The following ADTRP variants were observed in gnomAD, a reference collection of about 807,000 sequenced individuals.
ADTRP encodes androgen dependent TFPI regulating protein.
In ADTRP, 20 loss-of-function variants were observed where a neutral mutation model predicts 27.0. The observed-to-expected ratio is 0.74, with a 90% confidence interval of 0.52 to 1.08. The LOEUF (loss-of-function observed/expected upper bound fraction) is 1.08, where lower values mean the gene tolerates loss of function less well. ADTRP is among the 50% of genes least tolerant of loss of function. The probability of loss-of-function intolerance (pLI) is 0.00; values close to 1 mark genes in which losing one functional copy is unlikely to be tolerated. For synonymous variants in ADTRP, 101 were observed against 105.2 expected (o/e 0.96, Z 0.25); for missense variants, 251 against 275.0 (o/e 0.91, Z 0.62).
chr6:11,762,020 A>T (rs1763404105), intron 3 of ADTRP, among the ~76,000 whole-genome samples: 1 of 152,208 alleles, frequency 6.6e-6, no homozygotes, highest in Non-Finnish European at 1.5e-5. Context: ...TTAGCAGCCC[A>T]ACAATTTCAC....
At chr6:11,770,354 T>G (rs1400435052) in intron 1 of ADTRP, among the ~76,000 whole-genome samples, 1 of 152,038 alleles carries the variant, frequency 6.6e-6, no homozygotes, top group Admixed American at 6.6e-5. Context: ...GAACTTCCGT[T>G]TGGAAATTCA....
At chr6:11,746,257 T>C (rs985148559) in intron 3 of ADTRP, among the ~76,000 whole-genome samples, 1 of 152,192 alleles carries the variant, frequency 6.6e-6, no homozygotes, top group Non-Finnish European at 1.5e-5. Flanking sequence ...CATCAGAGTA[T>C]GGACATCACT....
At chr6:11,716,194 C>A (rs949184607) in intron 5 of ADTRP, among the ~76,000 whole-genome samples, 4 of 152,140 alleles carry the variant, frequency 2.6e-5, no homozygotes, top group Admixed American at 6.5e-5. Flanking sequence ...TCTGAGGATT[C>A]CTAAAACTTT....
chr6:11,762,771 TGAG>T (rs1763432997), intron 3 of ADTRP, among the ~76,000 whole-genome samples: 1 of 152,230 alleles, frequency 6.6e-6, no homozygotes, highest in African/African-American at 2.4e-5. Context: ...GAAGGGGCTC[TGAG>T]GAGTTCTCTG....
At chr6:11,755,077 G>T (rs1457393443) in intron 3 of ADTRP, 1 of 985,386 alleles carries the variant, frequency 1.0e-6, no homozygotes, top group Non-Finnish European at 1.2e-6. Context: ...TCCCGTTGGG[G>T]TGTTACACAT....
At chr6:11,730,200 C>T (rs1762341985) in intron 4 of ADTRP, among the ~76,000 whole-genome samples, 1 of 152,170 alleles carries the variant, frequency 6.6e-6, no homozygotes, top group African/African-American at 2.4e-5. Flanking sequence ...ATGTTGACAA[C>T]AAGGATGTGT....
intron 3 of ADTRP, chr6:11,754,897 G>T: frequency 2.6e-6 from 1 of 381,370 alleles, no homozygotes; most frequent in Non-Finnish European, 3.6e-6. Flanking sequence ...GCTCTCATCC[G>T]CCCAGCAGGC....
intron 3 of ADTRP, among the ~76,000 whole-genome samples, chr6:11,751,439 G>C (rs73361772): frequency 0.013 from 1,921 of 152,190 alleles, 49 homozygotes; most frequent in African/African-American, 0.043. Context: ...TATTATGAGA[G>C]TGGTTATTTT....
intron 3 of ADTRP, among the ~76,000 whole-genome samples, chr6:11,743,238 T>C (rs113888012): frequency 0.031 from 4,728 of 152,352 alleles, 279 homozygotes; most frequent in African/African-American, 0.11. Context: ...ATAAACTCTT[T>C]GAGGGCAAAG....
chr6:11,770,572 A>T (rs1763738403), intron 1 of ADTRP, among the ~76,000 whole-genome samples: 1 of 152,134 alleles, frequency 6.6e-6, no homozygotes, highest in Admixed American at 6.5e-5. Flanking sequence ...GCCAGAAGAT[A>T]GGAAATCATG....
At position 11,714,413 on chromosome 6, in the gene ADTRP, A is replaced by G; in HGVS notation, c.*65T>C. 1.3e-6 allele frequency: 2 copies of G among 1,587,436 alleles called. No homozygotes were observed. Among genetic ancestry groups the G allele is most frequent in the Non-Finnish European group, 1.7e-6 (2 of 1,170,372 alleles). On this transcript the variant is annotated 3_prime_UTR_variant, in exon 6 of 6. Transcript: ENST00000414691. ...CACCACCTCCCTCCACCAGAAAAAA[A>G]AAAAAAAGATGAGAAAAATCTCTTG...
intron 5 of ADTRP, 53 bp downstream of exon 5, chr6:11,723,296 G>C (rs1001945419): frequency 1.9e-6 from 3 of 1,592,070 alleles, no homozygotes; most frequent in Non-Finnish European, 2.6e-6. Context: ...AGGTGAAGGG[G>C]AGAGGCAGAC....
At chr6:11,775,567 C>T (rs991722086) in intron 1 of ADTRP, among the ~76,000 whole-genome samples, 6 of 152,098 alleles carry the variant, frequency 3.9e-5, no homozygotes, top group Non-Finnish European at 7.4e-5. Context: ...TCAGTTTACT[C>T]TCTTATTAGG....
At chr6:11,766,231 G>T in intron 3 of ADTRP, 43 bp downstream of exon 3, 1 of 1,447,814 alleles carries the variant, frequency 6.9e-7, no homozygotes, top group Non-Finnish European at 9.6e-7. Context: ...TCAGTACAGA[G>T]GCTATTGGTG....
intron 1 of ADTRP, among the ~76,000 whole-genome samples, chr6:11,776,640 A>AT (rs1763962413): frequency 6.6e-6 from 1 of 152,194 alleles, no homozygotes; most frequent in African/African-American, 2.4e-5. Flanking sequence ...GAAAGAAGCA[A>AT]TGTGGTGGAG....
At chr6:11,747,539 G>T (rs565376366) in intron 3 of ADTRP, among the ~76,000 whole-genome samples, 22 of 152,202 alleles carry the variant, frequency 1.4e-4, no homozygotes, top group Non-Finnish European at 2.8e-4. Context: ...AACATAAGAA[G>T]AAACTTGATT....
intron 4 of ADTRP, among the ~76,000 whole-genome samples, chr6:11,730,032 G>A (rs367708986): frequency 6.6e-5 from 10 of 152,186 alleles, no homozygotes; most frequent in Non-Finnish European, 1.0e-4. Context: ...TCTTCATGCC[G>A]TTATTATTTC....
At chr6:11,769,933 G>T in intron 1 of ADTRP, 1 of 1,306,222 alleles carries the variant, frequency 7.7e-7, no homozygotes, top group Non-Finnish European at 1.1e-6. Context: ...GTATGTGCCA[G>T]GCACTGAACT....
chr6:11,768,475 T>C, intron 1 of ADTRP, 92 bp from the exon 2 acceptor site: 1 of 1,522,892 alleles, frequency 6.6e-7, no homozygotes, highest in Non-Finnish European at 8.9e-7. Context: ...GAGAGTAATG[T>C]GGCTTTGAGA....
Sources: gnomAD v4.1 joint callset for allele counts (sites outside exome capture counted in the v4.1 genomes callset) on GRCh38, gnomAD v4.1.1 for gene constraint, MANE v1.5 for transcripts, NCBI Gene and HGNC (gene_info 2026-07-23, HGNC 2026-07-21) for gene names.